The following OGDH variants were observed in gnomAD, a reference collection of about 807,000 sequenced individuals.
OGDH encodes the protein 2-oxoglutarate dehydrogenase complex component E1.
Under a neutral mutation model 116.6 loss-of-function variants are expected in OGDH, and 38 were observed. That is an observed-to-expected ratio of 0.33 (90% CI 0.25 to 0.43). The LOEUF is 0.43. OGDH is among the 20% of genes least tolerant of loss of function. The pLI, the probability that OGDH is intolerant of heterozygous loss-of-function variation, is 1.00. For synonymous variants in OGDH, 488 were observed against 533.3 expected (o/e 0.92, Z 1.17); for missense variants, 825 against 1,357.2 (o/e 0.61, Z 6.16).
In OGDH at chr7:44,707,542, T is replaced by A. The variant is rs773528866; in HGVS notation, c.2797-40T>A. The A allele has an allele frequency of 6.2e-7, 1 of 1,610,080 alleles. No individual in the cohort carries two copies. Among genetic ancestry groups the A allele is most frequent in the Middle Eastern group, 1.7e-4 (1 of 6,048 alleles). On this transcript the variant is annotated intron_variant, in intron 21 of 22. Transcript: ENST00000222673. The surrounding 1 kb of genome is among the most constrained non-coding windows in gnomAD (Gnocchi z 5.2). The stretch of plus-strand genomic sequence containing the variant: ...CCTTTGCTGGATCTTGCCTGCCCTC[T>A]GAGTTTCCTCTTTTTGATCTGACCC...
intron 2 of OGDH, among the ~76,000 whole-genome samples, chr7:44,631,313 A>G (rs1261456706): frequency 6.6e-6 from 1 of 152,194 alleles, no homozygotes; most frequent in Non-Finnish European, 1.5e-5. Flanking sequence ...TTGAAGATTC[A>G]GGAGGTACAT....
chr7:44,682,963 A>G (rs1787991027), intron 10 of OGDH, among the ~76,000 whole-genome samples: 2 of 151,978 alleles, frequency 1.3e-5, no homozygotes, highest in Admixed American at 6.6e-5. Context: ...CCTGGCTACC[A>G]CAGTGAAACC....
intron 3 of OGDH, among the ~76,000 whole-genome samples, chr7:44,646,834 G>T (rs992320613): frequency 6.6e-6 from 1 of 152,136 alleles, no homozygotes; most frequent in Non-Finnish European, 1.5e-5. Flanking sequence ...CACTCCTCAC[G>T]GGGATATATA....
At chr7:44,680,001 A>C (rs1787860923) in intron 9 of OGDH, among the ~76,000 whole-genome samples, 1 of 152,182 alleles carries the variant, frequency 6.6e-6, no homozygotes, top group African/African-American at 2.4e-5. Context: ...GCTTGAACCC[A>C]GGAGTTTGAG....
intron 2 of OGDH, among the ~76,000 whole-genome samples, chr7:44,628,023 A>C (rs1011137879): frequency 6.6e-6 from 1 of 152,162 alleles, no homozygotes; most frequent in African/African-American, 2.4e-5. Context: ...CCAAGCATAC[A>C]TAACAGTAGA....
chr7:44,676,279 G>T, intron 9 of OGDH, 130 bp downstream of exon 9: 1 of 1,542,742 alleles, frequency 6.5e-7, no homozygotes, highest in Non-Finnish European at 8.8e-7. Context: ...AAGTCGGCCG[G>T]GCGCAGTGTC....
rs373038693 is a variant in OGDH, at chr7:44,676,169, G to A, written c.1206+20G>A. 58 of 1,614,012 alleles carry A rather than the reference G, an allele frequency of 3.6e-5. No individual in the cohort carries two copies. Among genetic ancestry groups the A allele is most frequent in the Middle Eastern group, 1.6e-4 (1 of 6,084 alleles). ...AAAAAGGTAAGGCCCAGAGAGAGGC[G>A]TGCAAGGCAGATCGTCAAGGCCCCA... On this transcript the variant is annotated intron_variant, in intron 9 of 22. Transcript: ENST00000222673.
At chr7:44,621,931 A>G (rs1482719125) in intron 1 of OGDH, among the ~76,000 whole-genome samples, 2 of 152,150 alleles carry the variant, frequency 1.3e-5, no homozygotes, top group East Asian at 3.8e-4. Flanking sequence ...ACTATGTGTC[A>G]GATTCAGTGA....
chr7:44,668,159 C>A (rs1298395696), intron 5 of OGDH, among the ~76,000 whole-genome samples: 1 of 152,022 alleles, frequency 6.6e-6, no homozygotes, highest in Non-Finnish European at 1.5e-5. Flanking sequence ...AGTGTCCAGG[C>A]CAGGCACAGT....
intron 4 of OGDH, among the ~76,000 whole-genome samples, chr7:44,660,078 A>G (rs1315928092): frequency 6.6e-6 from 1 of 152,102 alleles, no homozygotes; most frequent in African/African-American, 2.4e-5. Context: ...TGTTTCTCTC[A>G]GTACTGGTTT....
chr7:44,697,736 G>A lies in OGDH; in HGVS notation c.2312G>A (p.Arg771Gln). 2 of 1,614,194 alleles carry A rather than the reference G, an allele frequency of 1.2e-6. No individual in the cohort carries two copies. The highest frequency in any genetic ancestry group is 1.7e-6 in the Non-Finnish European group (2 of 1,180,044). Residue 771 changes from arginine (R) to glutamine (Q), a missense_variant, in exon 17 of 23, where the codon CGG (arginine) becomes CAG (glutamine). Physicochemically the swap from Arg to Gln is conservative, Grantham distance 43 (BLOSUM62 1). Around this residue, in one of 7 missense-constraint regions of OGDH, gnomAD observed 73 missense variants for 182.3 expected, o/e 0.40. Transcript: ENST00000222673. The surrounding 1 kb of genome is among the most constrained non-coding windows in gnomAD (Gnocchi z 6.0). ...FICPGQAKWV[R>Q]QNGIVLLLPH... is the part of the protein sequence containing the mutation. ...TGCCCGGGACAAGCCAAGTGGGTGC[G>A]GCAGAATGGCATCGTGTTGCTGCTG...
At position 44,708,549 on chromosome 7, in the gene OGDH, G is replaced by GC. The variant is rs1554312103; in HGVS notation, c.*552dup. The stretch of plus-strand genomic sequence containing the variant: ...GGGCAGCTGGCAGGAGAGAGCCTTG[G>GC]CCTGACCTGGCACAGAAAGGGCAGC... On this transcript the variant is annotated 3_prime_UTR_variant, in exon 23 of 23. Coordinates refer to ENST00000222673, the MANE Select transcript of OGDH (RefSeq NM_002541.4). 4 of 153,094 alleles carry GC rather than the reference G, an allele frequency of 2.6e-5. No homozygotes were observed. The highest frequency in any genetic ancestry group is 2.6e-4 in the Admixed American group (4 of 15,312). 9.5% of individuals were successfully genotyped at this position (153,094 alleles called of 1,614,324 possible).
chr7:44,693,768 T>C (rs1788463551), intron 10 of OGDH, 57 bp from the exon 11 acceptor site: 1 of 1,501,570 alleles, frequency 6.7e-7, no homozygotes. Flanking sequence ...CCCCGCCCTC[T>C]GGTCCCTGTG....
intron 3 of OGDH, among the ~76,000 whole-genome samples, chr7:44,645,997 C>T (rs1786161412): frequency 6.6e-6 from 1 of 152,056 alleles, no homozygotes; most frequent in Non-Finnish European, 1.5e-5. Context: ...TACAGCTGAG[C>T]CTACAGAGAG....
chr7:44,677,596 C>T (rs1399609474), intron 9 of OGDH, among the ~76,000 whole-genome samples: 1 of 152,012 alleles, frequency 6.6e-6, no homozygotes, highest in Non-Finnish European at 1.5e-5. Flanking sequence ...TGGCCAGGTG[C>T]GGTGGCTCAC....
intron 1 of OGDH, among the ~76,000 whole-genome samples, chr7:44,612,534 C>A (rs567535866): frequency 6.6e-6 from 1 of 151,978 alleles, no homozygotes; most frequent in African/African-American, 2.4e-5. Context: ...CAGGCATGCA[C>A]CACCACACCC....
In OGDH at chr7:44,697,829, C is replaced by T; in HGVS notation, c.2358+47C>T. 1.3e-6 allele frequency: 2 copies of T among 1,572,722 alleles called. No individual in the cohort carries two copies. Among genetic ancestry groups the T allele is most frequent in the Non-Finnish European group, 1.7e-6 (2 of 1,160,392 alleles). On this transcript the variant is annotated intron_variant, in intron 17 of 22. Transcript: ENST00000222673. This position sits in a 1 kb window ranked among gnomAD's most constrained non-coding sequence, Gnocchi z 6.0. ...GCCAGACCTAGGACTTGGGAAGGGC[C>T]TGTGTAGGACCCTGACCCCAAAGAC...
Position 44,707,208 on chromosome 7 carries a change from T to C in OGDH, c.2633-17T>C, listed in dbSNP as rs952232989. 1.2e-6 allele frequency: 2 copies of C among 1,613,310 alleles called. No homozygotes were observed. Among genetic ancestry groups the C allele is most frequent in the African/African-American group, 1.3e-5 (1 of 74,924 alleles). ...ATACCTGAGAGAACCAGCCTAGCCA[T>C]GGGAACTCTCTTGTAGGAACCCACT... is the stretch of plus-strand genomic sequence containing the variant. On this transcript the variant is annotated splice_polypyrimidine_tract_variant and intron_variant, in intron 20 of 22. Coordinates refer to ENST00000222673, the MANE Select transcript of OGDH (RefSeq NM_002541.4). This position sits in a 1 kb window ranked among gnomAD's most constrained non-coding sequence, Gnocchi z 5.2.
At chr7:44,625,481 AG>A (rs1483878638) in intron 2 of OGDH, among the ~76,000 whole-genome samples, 1 of 152,200 alleles carries the variant, frequency 6.6e-6, no homozygotes, top group Non-Finnish European at 1.5e-5. Flanking sequence ...AAATATTTAT[AG>A]GTTTTGATAA....
Sources: allele counts gnomAD v4.1 joint callset (sites outside exome capture counted in the v4.1 genomes callset), GRCh38; gene constraint gnomAD v4.1.1; regional missense constraint gnomAD v4.1.1; non-coding constraint Gnocchi (gnomAD v3.1); transcripts MANE v1.5; gene names NCBI Gene and HGNC (gene_info 2026-07-23, HGNC 2026-07-21).